AKR7A2: variants seen among roughly 807,000 people sequenced by gnomAD.
AKR7A2 encodes aflatoxin B1 aldehyde reductase member 2.
Under a neutral mutation model 37.3 loss-of-function variants are expected in AKR7A2, and 29 were observed. The ratio of observed to expected loss-of-function variants is 0.78; its 90% confidence interval spans 0.58 to 1.06. The LOEUF (loss-of-function observed/expected upper bound fraction) is 1.06. Among genes scored for constraint, AKR7A2 ranks in the 50% least tolerant of loss-of-function variants. The probability of loss-of-function intolerance (pLI) is 0.00; values close to 1 mark genes in which losing one functional copy is unlikely to be tolerated. For synonymous variants in AKR7A2, 228 were observed against 217.8 expected (o/e 1.05, Z -0.41); for missense variants, 529 against 497.9 (o/e 1.06, Z -0.59).
At chr1:19,307,155 C>T (rs1283784198) in intron 4 of AKR7A2, 54 bp from the exon 5 acceptor site, 2 of 1,603,296 alleles carry the variant, frequency 1.2e-6, no homozygotes, top group Non-Finnish European at 1.7e-6. Flanking sequence ...GAAGCTGCCA[C>T]ATCCCTCAGG....
chr1:19,304,045 C>T lies in AKR7A2; in HGVS notation c.*180G>A, dbSNP rs1221257954. Reference sequence around the variant, plus strand: ...CAACAGGAAGCGCTCAAGTGGGACTCACCCCCCACCTTTCACAGTGTAAAG... The same window carrying T: ...CAACAGGAAGCGCTCAAGTGGGACTTACCCCCCACCTTTCACAGTGTAAAG... On this transcript the variant is annotated 3_prime_UTR_variant, in exon 7 of 7. Transcript: ENST00000235835. 6.8e-6 allele frequency: 7 copies of T among 1,035,326 alleles called. No homozygotes were observed. Among genetic ancestry groups the T allele is most frequent in the Non-Finnish European group, 8.7e-6 (6 of 689,858 alleles). 64.1% of individuals were successfully genotyped at this position (1,035,326 alleles called of 1,614,324 possible).
intron 1 of AKR7A2, 152 bp downstream of exon 1, chr1:19,311,675 G>T: frequency 1.1e-6 from 1 of 938,070 alleles, no homozygotes; most frequent in Non-Finnish European, 1.6e-6. Context: ...TAGTTGTCCC[G>T]GGGTTCCCAG....
chr1:19,308,816 G>A (rs1174920815), intron 1 of AKR7A2, among the ~76,000 whole-genome samples, 174 bp from the exon 2 acceptor site: 1 of 152,182 alleles, frequency 6.6e-6, no homozygotes, highest in African/African-American at 2.4e-5. Context: ...TGTCATATAT[G>A]TGAGTTCTCA....
At chr1:19,307,736 G>A (rs531821558) in intron 3 of AKR7A2, 1 of 505,430 alleles carries the variant, frequency 2.0e-6, no homozygotes, top group South Asian at 2.1e-5. Context: ...TTACAATAAA[G>A]TTAGGTTCTA....
chr1:19,308,421 G>A, intron 2 of AKR7A2, 34 bp downstream of exon 2: 2 of 1,610,458 alleles, frequency 1.2e-6, no homozygotes, highest in Non-Finnish European at 1.7e-6. Context: ...AAAGGAGCAG[G>A]AGCCCACCTT....
intron 5 of AKR7A2, 93 bp from the exon 6 acceptor site, chr1:19,306,240 C>T: frequency 6.4e-7 from 1 of 1,568,262 alleles, no homozygotes; most frequent in Non-Finnish European, 8.8e-7. Context: ...CTGCCCCACC[C>T]CACACCCTGC....
Position 19,308,168 on chromosome 1 carries a change from G to A in AKR7A2, c.581C>T (p.Thr194Ile), listed in dbSNP as rs1294105067. Residue 194 changes from threonine to isoleucine, a missense_variant, in exon 3 of 7, where the codon ACT (threonine) becomes ATT (isoleucine). By Grantham distance (89) the Thr-to-Ile change is moderately conservative (BLOSUM62 -1). Coordinates refer to ENST00000235835, the MANE Select transcript of AKR7A2 (RefSeq NM_003689.4). ...AGCCCCGGCCCTCACCTGGTACACA[G>A]TGGGCAGGATCCAGCCATTGCTCTT... is the stretch of plus-strand genomic sequence containing the variant. The part of the protein sequence containing the change: ...LCKSNGWILP[T>I]VYQGMYNATT... 1.2e-6 allele frequency: 2 copies of A among 1,613,974 alleles called. No homozygotes were observed. The highest frequency in any genetic ancestry group is 2.2e-5 in the East Asian group (1 of 44,894).
chr1:19,307,988 C>G (rs1290869674), intron 3 of AKR7A2, 170 bp downstream of exon 3: 4 of 829,658 alleles, frequency 4.8e-6, no homozygotes, highest in Non-Finnish European at 8.0e-6. Flanking sequence ...GCCCAGTGGC[C>G]AGGCTGAGGA....
At chr1:19,304,473 C>T (rs2093757671) in intron 6 of AKR7A2, 87 bp from the exon 7 acceptor site, 1 of 1,606,418 alleles carries the variant, frequency 6.2e-7, no homozygotes, top group Non-Finnish European at 8.5e-7. Context: ...CTGCTGAGAT[C>T]TGGGGTCTCT....
rs1216064269 is a variant in AKR7A2 at position 19,307,347 on chromosome 1, C to A, written c.655G>T (p.Gly219Ter). Residue 219 changes from glycine to a stop codon, truncating the protein, a stop_gained, in exon 4 of 7, where the codon GGA becomes TGA. Transcript: ENST00000235835. LOFTEE classifies it high-confidence loss of function. ...TELFPCLRHFGLRFYAYNPLA... is the reference protein window; with the variant it reads ...TELFPCLRHF ...GGGTTGTAGGCATAGAACCTCAGTC[C>A]AAAGTGCCTGAGGCAGGGGAAGAGC... 1 of 1,613,900 alleles carries A rather than the reference C, an allele frequency of 6.2e-7. No individual in the cohort carries two copies. Among genetic ancestry groups the A allele is most frequent in the Admixed American group, 1.7e-5 (1 of 60,016 alleles).
chr1:19,307,653 T>C (rs1172757320), intron 3 of AKR7A2: 29 of 586,028 alleles, frequency 4.9e-5, no homozygotes, highest in South Asian at 2.9e-4. Flanking sequence ...CAACCACAAG[T>C]AGGTATCACA....
chr1:19,305,344 G>T (rs918452586), intron 6 of AKR7A2, among the ~76,000 whole-genome samples: 1 of 152,108 alleles, frequency 6.6e-6, no homozygotes, highest in African/African-American at 2.4e-5. Context: ...ATTGTTGTTT[G>T]CTTGTTTTTT....
intron 4 of AKR7A2, 77 bp downstream of exon 4, chr1:19,307,237 C>T: frequency 6.2e-7 from 1 of 1,606,254 alleles, no homozygotes; most frequent in South Asian, 1.1e-5. Context: ...GTCAAACCCT[C>T]CCTGCTTCAT....
chr1:19,307,474 C>T (rs1438681644), intron 3 of AKR7A2, 64 bp from the exon 4 acceptor site: 16 of 1,552,634 alleles, frequency 1.0e-5, no homozygotes, highest in Non-Finnish European at 1.4e-5. Context: ...TTGCCTTCCA[C>T]TTTCAAACCT....
chr1:19,303,214 C>T (rs914406619), downstream of AKR7A2, among the ~76,000 whole-genome samples: 49 of 152,124 alleles, frequency 3.2e-4, no homozygotes, highest in African/African-American at 1.1e-3. Context: ...TTGCTGTGAG[C>T]AGTGATCATG....
intron 6 of AKR7A2, among the ~76,000 whole-genome samples, chr1:19,305,555 G>C (rs1308432436): frequency 1.3e-5 from 2 of 152,182 alleles, no homozygotes; most frequent in East Asian, 3.9e-4. Flanking sequence ...GCCCAGGCTA[G>C]ACTCAAATGC....
intron 3 of AKR7A2, 190 bp from the exon 4 acceptor site, chr1:19,307,600 C>A: frequency 1.5e-6 from 1 of 654,532 alleles, no homozygotes; most frequent in Admixed American, 2.4e-5. Flanking sequence ...TGGTATCTTT[C>A]CACAAATATC....
intron 5 of AKR7A2, among the ~76,000 whole-genome samples, chr1:19,306,462 C>T (rs1040817787): frequency 2.0e-5 from 3 of 152,042 alleles, no homozygotes; most frequent in Non-Finnish European, 4.4e-5. Flanking sequence ...GATACATGGT[C>T]TTACTCTGTT....
At position 19,304,219 on chromosome 1, in the gene AKR7A2, AT is replaced by A; in HGVS notation, c.*5del. ...AAAGCCTTGGGCAGCCTGAGCCATG[AT>A]GGGCCTAGCGGAAGTAGTTGGGACA... On this transcript the variant is annotated 3_prime_UTR_variant, in exon 7 of 7. Transcript: ENST00000235835. 6.2e-7 allele frequency: 1 copy of A among 1,614,198 alleles called. No individual in the cohort carries two copies. Among genetic ancestry groups the A allele is most frequent in the Non-Finnish European group, 8.5e-7 (1 of 1,180,034 alleles).
Sources: allele counts gnomAD v4.1 joint callset (sites outside exome capture counted in the v4.1 genomes callset), GRCh38; gene constraint gnomAD v4.1.1; transcripts MANE v1.5; gene names NCBI Gene and HGNC (gene_info 2026-07-23, HGNC 2026-07-21).